The following BTRC variants were observed in gnomAD, a reference collection of about 807,000 sequenced individuals.
BTRC encodes the protein F-box/WD repeat-containing protein 1A.
A neutral mutation model predicts 85.5 loss-of-function variants in BTRC; 42 were observed. The observed-to-expected ratio is 0.49, with a 90% CI of 0.38 to 0.64. The LOEUF (loss-of-function observed/expected upper bound fraction) is 0.64, where lower values mean the gene tolerates loss of function less well. Among genes scored for constraint, BTRC ranks in the 30% least tolerant of loss-of-function variants. BTRC has a pLI of 0.00. For synonymous variants in BTRC, 255 were observed against 263.3 expected (o/e 0.97, Z 0.30); for missense variants, 594 against 743.5 (o/e 0.80, Z 2.34).
chr10:101,401,856 A>G (rs1043596355), intron 1 of BTRC, among the ~76,000 whole-genome samples: 13 of 151,080 alleles, frequency 8.6e-5, no homozygotes, highest in Admixed American at 8.6e-4. Context: ...AAAAAAAAAG[A>G]AAAAGAAAAA....
intron 1 of BTRC, among the ~76,000 whole-genome samples, chr10:101,380,210 T>C (rs530147313): frequency 7.2e-5 from 11 of 152,284 alleles, no homozygotes; most frequent in African/African-American, 2.4e-4. Context: ...TGAGTCTCAC[T>C]TTCCTCATAT....
At chr10:101,414,435 A>G (rs985379629) in intron 1 of BTRC, among the ~76,000 whole-genome samples, 11 of 152,226 alleles carry the variant, frequency 7.2e-5, no homozygotes, top group African/African-American at 2.7e-4. Flanking sequence ...AGTACATACT[A>G]TTATGTACAG....
intron 13 of BTRC, 125 bp from the exon 14 acceptor site, chr10:101,550,574 G>C: frequency 2.1e-6 from 2 of 974,498 alleles, no homozygotes; most frequent in African/African-American, 1.6e-5. Context: ...GAGCCACTGC[G>C]CCTGGCCTCT....
intron 2 of BTRC, among the ~76,000 whole-genome samples, chr10:101,442,889 CT>C (rs755689728): frequency 0.026 from 3,162 of 122,294 alleles, 63 homozygotes; most frequent in African/African-American, 0.086. Context: ...CTCACTTGCT[CT>C]TTTTTTTTTT....
chr10:101,408,293 C>T (rs1943683627), intron 1 of BTRC, among the ~76,000 whole-genome samples: 1 of 151,612 alleles, frequency 6.6e-6, no homozygotes, highest in Admixed American at 6.6e-5. Context: ...TGTTCTTTTT[C>T]TTCTTTTTTT....
intron 2 of BTRC, among the ~76,000 whole-genome samples, chr10:101,438,228 C>T (rs1944582468): frequency 6.6e-6 from 1 of 151,804 alleles, no homozygotes; most frequent in African/African-American, 2.4e-5. Context: ...AGATTGAGAC[C>T]ATCCTGGCTA....
chr10:101,456,635 A>G (rs1945091089), intron 2 of BTRC, among the ~76,000 whole-genome samples: 1 of 152,182 alleles, frequency 6.6e-6, no homozygotes, highest in Non-Finnish European at 1.5e-5. Flanking sequence ...TCCAAAATGC[A>G]TCCCTGAGGT....
chr10:101,533,780 A>G (rs1454931563), intron 9 of BTRC, among the ~76,000 whole-genome samples: 2 of 152,172 alleles, frequency 1.3e-5, no homozygotes, highest in Non-Finnish European at 2.9e-5. Flanking sequence ...TACCATTCCA[A>G]GTTATCCTCT....
intron 1 of BTRC, among the ~76,000 whole-genome samples, chr10:101,382,933 ACTTTTAT>A (rs1215705102): frequency 6.6e-6 from 1 of 152,172 alleles, no homozygotes; most frequent in Non-Finnish European, 1.5e-5. Context: ...GATAAAGATA[ACTTTTAT>A]CTTTAGTGCA....
In BTRC at chr10:101,521,674, G is replaced by A; in HGVS notation, c.360G>A (p.Val120=). The A allele has an allele frequency of 2.5e-6, 4 of 1,614,112 alleles. No individual in the cohort carries two copies. The highest frequency in any genetic ancestry group is 3.4e-6 in the Non-Finnish European group (4 of 1,180,014). Residue 120 remains valine, a synonymous_variant, in exon 5 of 15, where the codon GTG becomes GTA. Transcript: ENST00000370187. ...CCAATGGCACTTCCAGTATGATTGTGCCCAAGCAACGGAAACTCTCAGCAA... is the reference window on the plus strand; with the variant it reads ...CCAATGGCACTTCCAGTATGATTGTACCCAAGCAACGGAAACTCTCAGCAA... ...KLANGTSSMI[V]PKQRKLSASY...
intron 1 of BTRC, among the ~76,000 whole-genome samples, chr10:101,406,337 C>T (rs1003889741): frequency 9.2e-5 from 14 of 151,484 alleles, no homozygotes; most frequent in East Asian, 3.9e-4. Context: ...CCACTACGCC[C>T]GGCTAACATT....
At chr10:101,550,659 G>A (rs1202203975) in intron 13 of BTRC, 40 bp from the exon 14 acceptor site, 20 of 1,584,058 alleles carry the variant, frequency 1.3e-5, no homozygotes, top group Non-Finnish European at 1.6e-5. Flanking sequence ...TTGATTTTGA[G>A]TAGTTCAAGT....
At chr10:101,490,309 G>T (rs1450772192) in intron 4 of BTRC, among the ~76,000 whole-genome samples, 1 of 150,358 alleles carries the variant, frequency 6.7e-6, no homozygotes, top group African/African-American at 2.5e-5. Context: ...CTACTCAGAA[G>T]TTTGAGGAGG....
At chr10:101,436,083 A>G (rs746533476) in intron 2 of BTRC, among the ~76,000 whole-genome samples, 19 of 152,142 alleles carry the variant, frequency 1.2e-4, no homozygotes, top group Admixed American at 2.6e-4. Context: ...CTATGGGGAT[A>G]TGTTTAGTTT....
intron 2 of BTRC, among the ~76,000 whole-genome samples, chr10:101,451,639 A>AAT (rs1944956858): frequency 6.6e-6 from 1 of 152,140 alleles, no homozygotes; most frequent in Admixed American, 6.6e-5. Context: ...CATAGACAAT[A>AAT]TATTTTTTCC....
chr10:101,488,410 T>C (rs1049615073), intron 4 of BTRC, among the ~76,000 whole-genome samples: 14 of 152,260 alleles, frequency 9.2e-5, no homozygotes, highest in African/African-American at 3.4e-4. Flanking sequence ...AAGTAAGGTG[T>C]TTATAGGAGG....
At chr10:101,430,658 A>G (rs1479823078) in intron 2 of BTRC, among the ~76,000 whole-genome samples, 1 of 152,152 alleles carries the variant, frequency 6.6e-6, no homozygotes, top group African/African-American at 2.4e-5. Context: ...TGTCATCATG[A>G]TTGGTTACAA....
At chr10:101,403,695 A>T (rs936389246) in intron 1 of BTRC, among the ~76,000 whole-genome samples, 6 of 151,800 alleles carry the variant, frequency 4.0e-5, no homozygotes, top group Non-Finnish European at 8.8e-5. Context: ...GGCTCAAGAG[A>T]TCTTCCCACC....
At chr10:101,373,639 C>T (rs995918889) in intron 1 of BTRC, among the ~76,000 whole-genome samples, 5 of 151,912 alleles carry the variant, frequency 3.3e-5, no homozygotes, top group Admixed American at 1.3e-4. Context: ...TGGGCAGGGC[C>T]GGGCGCGGTG....
Sources: allele counts gnomAD v4.1 joint callset (sites outside exome capture counted in the v4.1 genomes callset), GRCh38; gene constraint gnomAD v4.1.1; transcripts MANE v1.5; gene names NCBI Gene and HGNC (gene_info 2026-07-23, HGNC 2026-07-21).